The following PSMA6 variants were observed in gnomAD, a reference collection of about 807,000 sequenced individuals.
PSMA6 encodes the protein proteasome subunit alpha type-6.
For missense variants in PSMA6, 170 were observed against 294.8 expected, an observed-to-expected ratio of 0.58 and a Z score of 3.10; for synonymous variants, 88 against 97.7, an observed-to-expected ratio of 0.90 and a Z score of 0.59.
chr14:35,283,878 A>G (rs570538825), intron 1 of PSMA6, among the ~76,000 whole-genome samples: 18 of 152,184 alleles, frequency 1.2e-4, no homozygotes, highest in East Asian at 9.7e-4. Flanking sequence ...AGCCTTTACA[A>G]ATTTTTTGCA....
At chr14:35,292,754 C>G (rs559065793) in intron 1 of PSMA6, among the ~76,000 whole-genome samples, 2 of 152,336 alleles carry the variant, frequency 1.3e-5, no homozygotes, top group East Asian at 1.9e-4. Flanking sequence ...AGGCCTGTCT[C>G]TGCAGGGCGA....
intron 1 of PSMA6, among the ~76,000 whole-genome samples, chr14:35,284,783 C>G (rs2051403152): frequency 6.6e-6 from 1 of 152,120 alleles, no homozygotes; most frequent in Admixed American, 6.6e-5. Context: ...TCAGTGCCAT[C>G]CTCTATAATC....
chr14:35,305,363 G>A (rs1049232711), intron 1 of PSMA6, among the ~76,000 whole-genome samples: 2 of 152,134 alleles, frequency 1.3e-5, no homozygotes, highest in South Asian at 2.1e-4. Context: ...CTGGGACTCC[G>A]GGGCTCAAGC....
Position 35,300,849 on chromosome 14 carries a change from G to A in PSMA6, c.77-7145G>A, listed in dbSNP as rs139997664. Among the ~76,000 whole-genome samples, 458 of 152,294 alleles carry A rather than the reference G, an allele frequency of 3.0e-3. 5 individuals carry two copies. Among genetic ancestry groups the A allele is most frequent in the Non-Finnish European group, 5.3e-3 (360 of 68,032 alleles). On this transcript the variant is annotated intron_variant, in intron 1 of 6. Transcript: ENST00000261479. ...TCAAGAGTGATAACCCAGGTTTGTA[G>A]CTTGAAAAATTGAGTGGTTAGTAAT...
At chr14:35,280,037 A>G (rs940030218) in intron 1 of PSMA6, among the ~76,000 whole-genome samples, 3 of 152,004 alleles carry the variant, frequency 2.0e-5, no homozygotes, top group Admixed American at 2.0e-4. Flanking sequence ...AGGCAGGAGA[A>G]TGGCGTGAAC....
Position 35,292,453 on chromosome 14 carries a change from G to A in PSMA6, c.-24G>A. ...GGGAGCTACGGGGCCCAGGGATTGTGTTTAAAGTAGTGCTTCTACCAACAT... is the reference window on the plus strand; with the variant it reads ...GGGAGCTACGGGGCCCAGGGATTGTATTTAAAGTAGTGCTTCTACCAACAT... On this transcript the variant is annotated 5_prime_UTR_variant, in exon 1 of 7. Transcript: ENST00000261479. The A allele has an allele frequency of 6.2e-7, 1 of 1,610,592 alleles. No individual in the cohort carries two copies. Among genetic ancestry groups the A allele is most frequent in the Non-Finnish European group, 8.5e-7 (1 of 1,178,384 alleles).
chr14:35,290,700 C>T (rs1384487659), upstream of PSMA6, among the ~76,000 whole-genome samples: 1 of 152,190 alleles, frequency 6.6e-6, no homozygotes, highest in Non-Finnish European at 1.5e-5. Context: ...ATCTTGCCTT[C>T]CTTGTACACA....
chr14:35,287,599 C>T (rs1464232357), upstream of PSMA6, among the ~76,000 whole-genome samples: 1 of 152,140 alleles, frequency 6.6e-6, no homozygotes, highest in African/African-American at 2.4e-5. Flanking sequence ...CTACCTCCAC[C>T]CCCAGGGGAG....
chr14:35,303,140 C>T (rs2051748870), intron 1 of PSMA6, among the ~76,000 whole-genome samples: 1 of 152,152 alleles, frequency 6.6e-6, no homozygotes, highest in Non-Finnish European at 1.5e-5. Flanking sequence ...TTTATGAAGA[C>T]TGTGGATTCT....
intron 1 of PSMA6, among the ~76,000 whole-genome samples, chr14:35,301,139 C>A (rs892802276): frequency 6.6e-5 from 10 of 151,996 alleles, no homozygotes; most frequent in Admixed American, 6.6e-5. Context: ...GAGATGAAAG[C>A]AGTGAAGAAG....
chr14:35,299,503 A>G (rs542944563), intron 1 of PSMA6, among the ~76,000 whole-genome samples: 7 of 149,370 alleles, frequency 4.7e-5, no homozygotes, highest in African/African-American at 1.2e-4. Context: ...TGTATTTTTA[A>G]TAGAGGCAGT....
At chr14:35,301,270 C>T (rs559617615) in intron 1 of PSMA6, among the ~76,000 whole-genome samples, 17 of 152,120 alleles carry the variant, frequency 1.1e-4, no homozygotes, top group Admixed American at 3.3e-4. Flanking sequence ...TTTGGGAGGC[C>T]GAGGCGGGTG....
At chr14:35,306,395 A>G (rs1244994018) in intron 1 of PSMA6, among the ~76,000 whole-genome samples, 1 of 152,094 alleles carries the variant, frequency 6.6e-6, no homozygotes, top group East Asian at 1.9e-4. Context: ...CATCTCTACT[A>G]AAAATTTTTT....
At chr14:35,307,136 A>G (rs929322685) in intron 1 of PSMA6, among the ~76,000 whole-genome samples, 2 of 152,236 alleles carry the variant, frequency 1.3e-5, no homozygotes, top group African/African-American at 4.8e-5. Flanking sequence ...CGACAGAGCG[A>G]GACTCCATCT....
At chr14:35,301,579 T>G (rs189384572) in intron 1 of PSMA6, among the ~76,000 whole-genome samples, 221 of 152,212 alleles carry the variant, frequency 1.5e-3, no homozygotes, top group Non-Finnish European at 2.2e-3. Context: ...TAGCCACATA[T>G]GACTAGTGAC....
At chr14:35,300,771 C>G (rs2051696027) in intron 1 of PSMA6, among the ~76,000 whole-genome samples, 1 of 152,076 alleles carries the variant, frequency 6.6e-6, no homozygotes, top group East Asian at 1.9e-4. Context: ...TACGTTAAAG[C>G]AAATCCTAGG....
chr14:35,282,854 G>A (rs1469059625), intron 1 of PSMA6, among the ~76,000 whole-genome samples: 1 of 151,594 alleles, frequency 6.6e-6, no homozygotes, highest in Admixed American at 6.6e-5. Flanking sequence ...GACCCACACA[G>A]CCTGGGCAAC....
chr14:35,278,808 C>T (rs1044270677), intron 1 of PSMA6: 8 of 1,443,572 alleles, frequency 5.5e-6, no homozygotes, highest in African/African-American at 1.4e-5. Flanking sequence ...TTCCTCTTTA[C>T]AATGACCTTG....
intron 1 of PSMA6, among the ~76,000 whole-genome samples, chr14:35,279,772 G>A (rs2051344991): frequency 6.6e-6 from 1 of 152,184 alleles, no homozygotes; most frequent in African/African-American, 2.4e-5. Flanking sequence ...AACACACCAA[G>A]GGAAGTTTCT....
Sources: gnomAD v4.1 joint callset for allele counts (sites outside exome capture counted in the v4.1 genomes callset) on GRCh38, gnomAD v4.1.1 for gene constraint, MANE v1.5 for transcripts, NCBI Gene and HGNC (gene_info 2026-07-23, HGNC 2026-07-21) for gene names.